The following PRR16 variants were observed in gnomAD, a reference collection of about 807,000 sequenced individuals.
PRR16 encodes protein Largen.
Under a neutral mutation model 18.2 loss-of-function variants are expected in PRR16, and 6 were observed. The ratio of observed to expected loss-of-function variants is 0.33; its 90% CI spans 0.18 to 0.65. The LOEUF (loss-of-function observed/expected upper bound fraction) is 0.65, where lower values mean the gene tolerates loss of function less well. Ranked by LOEUF, PRR16 falls within the 30% of genes least tolerant of loss-of-function variation. The probability of loss-of-function intolerance (pLI) is 0.74; values close to 1 mark genes in which losing one functional copy is unlikely to be tolerated. For missense variants in PRR16, 412 were observed against 376.6 expected, an observed-to-expected ratio of 1.09 and a Z score of -0.78; for synonymous variants, 151 against 147.8, an observed-to-expected ratio of 1.02 and a Z score of -0.16.
At chr5:120,660,516 T>C (rs1467335961) in intron 1 of PRR16, among the ~76,000 whole-genome samples, 1 of 152,106 alleles carries the variant, frequency 6.6e-6, no homozygotes, top group Non-Finnish European at 1.5e-5. Context: ...TTTAAGCATA[T>C]GTTACAACAG....
intron 1 of PRR16, among the ~76,000 whole-genome samples, chr5:120,535,478 TAAC>T (rs1240639738): frequency 6.6e-6 from 1 of 152,166 alleles, no homozygotes; most frequent in Non-Finnish European, 1.5e-5. Context: ...CACTTACATA[TAAC>T]AACAACACAC....
At chr5:120,526,253 C>G (rs1751342612) in intron 1 of PRR16, among the ~76,000 whole-genome samples, 1 of 152,154 alleles carries the variant, frequency 6.6e-6, no homozygotes, top group African/African-American at 2.4e-5. Flanking sequence ...TTTTCATACA[C>G]CAGATTCCGT....
chr5:120,571,567 G>T (rs1752908150), intron 1 of PRR16, among the ~76,000 whole-genome samples: 1 of 152,076 alleles, frequency 6.6e-6, no homozygotes. Context: ...TATTTTTAAA[G>T]GGTTACTCTG....
the PRR16 span, among the ~76,000 whole-genome samples, chr5:120,698,181 G>A: frequency 1.3e-5 from 2 of 152,076 alleles, no homozygotes. Context: ...GGGGTGGCGT[G>A]GGAACCTAGA....
intron 1 of PRR16, among the ~76,000 whole-genome samples, chr5:120,609,007 A>G (rs1760840078): frequency 6.6e-6 from 1 of 152,186 alleles, no homozygotes; most frequent in Non-Finnish European, 1.5e-5. Context: ...CTTCGTATTC[A>G]AAAGAGAGCT....
At chr5:120,540,234 A>T (rs375935100) in intron 1 of PRR16, among the ~76,000 whole-genome samples, 1 of 152,174 alleles carries the variant, frequency 6.6e-6, no homozygotes, top group Non-Finnish European at 1.5e-5. Flanking sequence ...CAGGACACAA[A>T]TTCTCAGCAG....
chr5:120,739,790 T>G, the PRR16 span, among the ~76,000 whole-genome samples: 1 of 152,160 alleles, frequency 6.6e-6, no homozygotes, highest in East Asian at 1.9e-4. Context: ...TAAATATACA[T>G]TGGATGTTTC....
chr5:120,605,645 C>T (rs913446076), intron 1 of PRR16, among the ~76,000 whole-genome samples: 23 of 152,198 alleles, frequency 1.5e-4, no homozygotes. Flanking sequence ...TCTGTGTGGA[C>T]TGATCTACCT....
intron 1 of PRR16, among the ~76,000 whole-genome samples, chr5:120,655,888 T>A (rs544774145): frequency 7.9e-5 from 12 of 151,960 alleles, no homozygotes; most frequent in African/African-American, 2.9e-4. Flanking sequence ...CCCAATTCCT[T>A]GGATAGGGAT....
the PRR16 span, among the ~76,000 whole-genome samples, chr5:120,711,914 G>A: frequency 2.2e-4 from 33 of 152,132 alleles, no homozygotes; most frequent in African/African-American, 8.0e-4. Flanking sequence ...CATTTGAAGT[G>A]AGAGAAAAGG....
chr5:120,752,522 C>A, the PRR16 span, among the ~76,000 whole-genome samples: 1 of 151,762 alleles, frequency 6.6e-6, no homozygotes, highest in African/African-American at 2.4e-5. Context: ...TGTGCTTAGA[C>A]CAAACTGACT....
chr5:120,628,785 T>G (rs571163548), intron 1 of PRR16, among the ~76,000 whole-genome samples: 1 of 151,996 alleles, frequency 6.6e-6, no homozygotes, highest in African/African-American at 2.4e-5. Flanking sequence ...AGTAAGCATC[T>G]TAAGGTAGAA....
At chr5:120,631,520 G>T (rs1266963544) in intron 1 of PRR16, among the ~76,000 whole-genome samples, 1 of 152,112 alleles carries the variant, frequency 6.6e-6, no homozygotes, top group Non-Finnish European at 1.5e-5. Flanking sequence ...TGTTAGGACT[G>T]CCAGCTGCAT....
chr5:120,706,605 A>G, the PRR16 span, among the ~76,000 whole-genome samples: 285 of 152,240 alleles, frequency 1.9e-3, 2 homozygotes, highest in Non-Finnish European at 3.1e-3. Context: ...TTCAAAAGAG[A>G]GGGGTCTGAG....
At chr5:120,765,799 C>A in the PRR16 span, among the ~76,000 whole-genome samples, 1 of 151,988 alleles carries the variant, frequency 6.6e-6, no homozygotes. Context: ...AAGATAATTT[C>A]TTTCCTGATT....
chr5:120,477,231 G>T (rs1749470647), intron 1 of PRR16, among the ~76,000 whole-genome samples: 2 of 151,800 alleles, frequency 1.3e-5, no homozygotes, highest in African/African-American at 4.8e-5. Flanking sequence ...CCTTTTTTCT[G>T]AGCTTGTGTA....
chr5:120,610,325 A>T (rs1390407739), intron 1 of PRR16, among the ~76,000 whole-genome samples: 1 of 150,324 alleles, frequency 6.7e-6, no homozygotes. Flanking sequence ...ATTATACTTA[A>T]ATTAATATAA....
chr5:120,576,855 G>A (rs910076312), intron 1 of PRR16, among the ~76,000 whole-genome samples: 1 of 152,020 alleles, frequency 6.6e-6, no homozygotes, highest in Non-Finnish European at 1.5e-5. Flanking sequence ...TGCAGGTCTT[G>A]AGAGTTTTCT....
At chr5:120,778,144 T>C in the PRR16 span, among the ~76,000 whole-genome samples, 1 of 152,092 alleles carries the variant, frequency 6.6e-6, no homozygotes, top group Non-Finnish European at 1.5e-5. Flanking sequence ...AGACTGCTGA[T>C]CATTCAGTTA....
Sources: gnomAD v4.1 joint callset for allele counts (sites outside exome capture counted in the v4.1 genomes callset) on GRCh38, gnomAD v4.1.1 for gene constraint, MANE v1.5 for transcripts, NCBI Gene and HGNC (gene_info 2026-07-23, HGNC 2026-07-21) for gene names.